The following COL22A1 variants were observed in gnomAD, a reference collection of about 807,000 sequenced individuals.
The protein encoded by COL22A1 is collagen type XXII alpha 1 chain.
In COL22A1, 221 loss-of-function variants were observed where a neutral mutation model predicts 248.9. That is an observed-to-expected ratio of 0.89 (90% CI 0.80 to 0.99). COL22A1 has a LOEUF of 0.99. Among genes scored for constraint, COL22A1 ranks in the 50% least tolerant of loss-of-function variants. The probability of loss-of-function intolerance (pLI) is 0.00; values close to 1 mark genes in which losing one functional copy is unlikely to be tolerated. For synonymous variants in COL22A1, 891 were observed against 793.4 expected (o/e 1.12, Z -2.07); for missense variants, 2,240 against 2,179.0 (o/e 1.03, Z -0.56).
At chr8:138,885,644 ACCT>A (rs1478695859) in intron 1 of COL22A1, among the ~76,000 whole-genome samples, 1 of 151,366 alleles carries the variant, frequency 6.6e-6, no homozygotes, top group Non-Finnish European at 1.5e-5. Context: ...GCTCACCACA[ACCT>A]CCACCTCCTG....
At chr8:138,687,102 A>G (rs797016310) in intron 37 of COL22A1, among the ~76,000 whole-genome samples, 7 of 152,282 alleles carry the variant, frequency 4.6e-5, no homozygotes, top group African/African-American at 1.7e-4. Flanking sequence ...GATTACAGGC[A>G]TGTGCCACCA....
At chr8:138,884,445 C>T (rs1296042388) in intron 1 of COL22A1, among the ~76,000 whole-genome samples, 2 of 152,134 alleles carry the variant, frequency 1.3e-5, no homozygotes, top group African/African-American at 4.8e-5. Context: ...GCAATGGTAG[C>T]GAAGTTATCT....
At chr8:138,629,924 T>G (rs955670708) in intron 50 of COL22A1, among the ~76,000 whole-genome samples, 1 of 152,166 alleles carries the variant, frequency 6.6e-6, no homozygotes, top group Admixed American at 6.5e-5. Context: ...AACTGGCCAT[T>G]TCACTTCTCC....
chr8:138,676,330 A>G (rs539315190), intron 41 of COL22A1, among the ~76,000 whole-genome samples: 1 of 150,938 alleles, frequency 6.6e-6, no homozygotes, highest in South Asian at 2.1e-4. Flanking sequence ...TGGGAGGCGG[A>G]GGTTGCAGTG....
intron 56 of COL22A1, 123 bp from the exon 57 acceptor site, chr8:138,608,112 G>T: frequency 1.4e-6 from 1 of 717,080 alleles, no homozygotes; most frequent in South Asian, 2.1e-5. Context: ...AGCCAGTGTG[G>T]CTCTCAGTCT....
chr8:138,884,863 C>G (rs1385542709), intron 1 of COL22A1, among the ~76,000 whole-genome samples: 2 of 150,742 alleles, frequency 1.3e-5, no homozygotes, highest in Non-Finnish European at 3.0e-5. Context: ...CAATGACAAT[C>G]TAAAATGTTA....
chr8:138,732,247 G>A (rs1830764986), intron 23 of COL22A1, among the ~76,000 whole-genome samples: 1 of 152,206 alleles, frequency 6.6e-6, no homozygotes, highest in Non-Finnish European at 1.5e-5. Flanking sequence ...AAGAAAGAAT[G>A]GGACTACAGG....
chr8:138,740,943 C>T (rs996622246), intron 22 of COL22A1, among the ~76,000 whole-genome samples: 1 of 152,136 alleles, frequency 6.6e-6, no homozygotes, highest in Non-Finnish European at 1.5e-5. Flanking sequence ...GTTCCCAGGC[C>T]CAGTATCTTC....
intron 2 of COL22A1, 45 bp downstream of exon 2, chr8:138,883,037 T>G: frequency 6.7e-7 from 1 of 1,490,302 alleles, no homozygotes; most frequent in South Asian, 1.2e-5. Context: ...ACATGCTGTC[T>G]GCTCTGTCCC....
At chr8:138,789,499 G>A (rs1383742923) in intron 12 of COL22A1, among the ~76,000 whole-genome samples, 6 of 152,290 alleles carry the variant, frequency 3.9e-5, no homozygotes, top group Admixed American at 1.3e-4. Context: ...GGCAAATGGC[G>A]TCAATATATC....
intron 1 of COL22A1, among the ~76,000 whole-genome samples, chr8:138,908,226 T>C (rs1393247240): frequency 6.6e-6 from 1 of 152,220 alleles, no homozygotes; most frequent in Non-Finnish European, 1.5e-5. Flanking sequence ...TTTGTAAATA[T>C]GTGTTGGCTA....
chr8:138,794,584 C>T (rs1045372160), intron 12 of COL22A1, among the ~76,000 whole-genome samples: 3 of 152,148 alleles, frequency 2.0e-5, no homozygotes, highest in Non-Finnish European at 2.9e-5. Context: ...CCCATGTTCA[C>T]AGCAGCATAA....
chr8:138,886,003 C>A (rs1824638858), intron 1 of COL22A1, among the ~76,000 whole-genome samples: 1 of 152,184 alleles, frequency 6.6e-6, no homozygotes, highest in South Asian at 2.1e-4. Flanking sequence ...TATCTATCCT[C>A]CAAATTTTGC....
rs1828134933 is a variant in COL22A1, at chr8:138,703,464, G to A, written c.2518-117C>T. The A allele has an allele frequency of 8.6e-6, 7 of 812,998 alleles. No individual in the cohort carries two copies. In the South Asian group the frequency reaches 1.1e-4, roughly 12 times the overall value. The allele number at this position is 812,998 out of a possible 1,614,324, so 50.4% of individuals were successfully genotyped here. A position where few individuals can be genotyped will look rare whatever the true frequency, so the allele number is the denominator to read the frequency against. ...CAACAGAAGGTGTTGTCTTCTGCAGGGTGCAGGTAGGTGCACCCTGCACCT... is the reference window on the plus strand; with the variant it reads ...CAACAGAAGGTGTTGTCTTCTGCAGAGTGCAGGTAGGTGCACCCTGCACCT... On this transcript the variant is annotated intron_variant, in intron 30 of 64. Transcript: ENST00000303045.
chr8:138,622,205 G>A (rs769658036), intron 52 of COL22A1, among the ~76,000 whole-genome samples: 7 of 152,194 alleles, frequency 4.6e-5, no homozygotes, highest in African/African-American at 7.2e-5. Context: ...GGGAAAAGTA[G>A]CTTACTAAAA....
chr8:138,659,645 C>T (rs1823608540), intron 44 of COL22A1, among the ~76,000 whole-genome samples: 1 of 152,198 alleles, frequency 6.6e-6, no homozygotes, highest in Non-Finnish European at 1.5e-5. Context: ...AGAGGGTCCA[C>T]CTATAGCCAG....
chr8:138,675,682 G>A (rs1387337660), intron 41 of COL22A1, among the ~76,000 whole-genome samples: 5 of 152,054 alleles, frequency 3.3e-5, no homozygotes, highest in Non-Finnish European at 4.4e-5. Context: ...ATCAAAGAAC[G>A]GACTAAACAG....
chr8:138,706,968 G>A (rs112797335), intron 30 of COL22A1, among the ~76,000 whole-genome samples: 5 of 152,138 alleles, frequency 3.3e-5, no homozygotes, highest in Admixed American at 1.3e-4. Flanking sequence ...ACCACCGATC[G>A]CACAGAAATA....
At chr8:138,693,408 TAGAA>T (rs1033787195) in intron 35 of COL22A1, among the ~76,000 whole-genome samples, 1 of 152,210 alleles carries the variant, frequency 6.6e-6, no homozygotes, top group African/African-American at 2.4e-5. Context: ...CACATGTGCA[TAGAA>T]AGAGATTTCT....
Sources: gnomAD v4.1 joint callset for allele counts (sites outside exome capture counted in the v4.1 genomes callset) on GRCh38, gnomAD v4.1.1 for gene constraint, MANE v1.5 for transcripts, NCBI Gene and HGNC (gene_info 2026-07-23, HGNC 2026-07-21) for gene names.